Variants in LRRC23 observed in about 807,000 individuals in gnomAD.
LRRC23 encodes leucine-rich repeat-containing protein 23.
LRRC23 carries 28 observed loss-of-function variants against 37.7 expected under a neutral mutation model. The ratio of observed to expected loss-of-function variants is 0.74; its 90% confidence interval spans 0.55 to 1.02. The LOEUF (loss-of-function observed/expected upper bound fraction) is 1.02, where lower values mean the gene tolerates loss of function less well. Among genes scored for constraint, LRRC23 ranks in the 50% least tolerant of loss-of-function variants. LRRC23 has a pLI of 0.00. For missense variants in LRRC23, 377 were observed against 413.2 expected, an observed-to-expected ratio of 0.91 and a Z score of 0.76; for synonymous variants, 161 against 165.4, an observed-to-expected ratio of 0.97 and a Z score of 0.20.
Position 6,913,551 on chromosome 12 carries a change from GTTTGTTTTTTTTTTTTT to G in LRRC23, c.*25-336_*25-320del, listed in dbSNP as rs1290753899. ...TAGGGGAGAGGCTTTATTTACCTCT[GTTTGTTTTTTTTTTTTT>G]TTTTTTTTTTTTTTTGCGAGGTAGT... On this transcript the variant is annotated intron_variant, in intron 7 of 7. Coordinates refer to ENST00000443597, the MANE Select transcript of LRRC23 (RefSeq NM_001135217.2). Among the ~76,000 whole-genome samples, 123 of 78,174 alleles carry G rather than the reference GTTTGTTTTTTTTTTTTT, an allele frequency of 1.6e-3. 2 individuals are homozygous for G. The highest frequency in any genetic ancestry group is 2.4e-3 in the Non-Finnish European group (100 of 41,500). 51.3% of individuals were successfully genotyped at this position (78,174 alleles called of 152,430 possible). A position where few individuals can be genotyped will look rare whatever the true frequency, so the allele number is the denominator to read the frequency against.
intron 5 of LRRC23, among the ~76,000 whole-genome samples, chr12:6,908,644 C>T (rs1270840875): frequency 7.5e-6 from 1 of 133,852 alleles, no homozygotes; most frequent in African/African-American, 3.1e-5. Flanking sequence ...CGGTGAAACC[C>T]CGTCTCTACT....
chr12:6,913,815 C>A, intron 7 of LRRC23, 76 bp from the exon 8 acceptor site: 5 of 1,130,972 alleles, frequency 4.4e-6, no homozygotes, highest in Non-Finnish European at 6.2e-6. Context: ...TGCCCGCCTC[C>A]GCCTTCCAAA....
chr12:6,907,557 GTAT>G (rs1944980038), intron 5 of LRRC23, 112 bp downstream of exon 5: 1 of 1,119,138 alleles, frequency 8.9e-7, no homozygotes, highest in Admixed American at 1.9e-5. Flanking sequence ...ATAATAACTG[GTAT>G]TATTATCAAG....
chr12:6,908,394 C>T (rs551766616), intron 5 of LRRC23, among the ~76,000 whole-genome samples: 8 of 151,690 alleles, frequency 5.3e-5, no homozygotes, highest in Non-Finnish European at 1.0e-4. Flanking sequence ...GTCCGGAGTT[C>T]GAAACCAGCC....
At position 6,913,018 on chromosome 12, in the gene LRRC23, T is replaced by C. The variant is rs782359569; in HGVS notation, c.*15T>C. On this transcript the variant is annotated 3_prime_UTR_variant, in exon 7 of 8. Coordinates refer to ENST00000443597, the MANE Select transcript of LRRC23 (RefSeq NM_001135217.2). The stretch of plus-strand genomic sequence containing the variant: ...CATTGATCTAGCAGCAGTTCTAGCC[T>C]CTAAAGATAGTAAGGAAGCCTGCAG... 5 of 1,611,836 alleles carry C rather than the reference T, an allele frequency of 3.1e-6. No homozygotes were observed. The highest frequency in any genetic ancestry group is 4.2e-6 in the Non-Finnish European group (5 of 1,178,638).
chr12:6,909,493 A>ATATT (rs1945104710), intron 5 of LRRC23, among the ~76,000 whole-genome samples: 1 of 101,746 alleles, frequency 9.8e-6, no homozygotes, highest in African/African-American at 4.4e-5. Context: ...TATATAATAT[A>ATATT]TTATATATTA....
At chr12:6,909,129 ATATAATT>A (rs1555140219) in intron 5 of LRRC23, among the ~76,000 whole-genome samples, 1 of 28,824 alleles carries the variant, frequency 3.5e-5, no homozygotes, top group Non-Finnish European at 4.5e-5. Flanking sequence ...AATATATAAT[ATATAATT>A]ATATATTATA....
chr12:6,913,005 A>T lies in LRRC23; in HGVS notation c.*2A>T. 6.2e-7 allele frequency: 1 copy of T among 1,614,020 alleles called. No homozygotes were observed. Among genetic ancestry groups the T allele is most frequent in the Non-Finnish European group, 8.5e-7 (1 of 1,179,986 alleles). On this transcript the variant is annotated 3_prime_UTR_variant, in exon 7 of 8. Transcript: ENST00000443597. ...GAACCCGAACAGTCATTGATCTAGC[A>T]GCAGTTCTAGCCTCTAAAGATAGTA...
chr12:6,908,610 A>AAAAAAAAAAC, intron 5 of LRRC23, among the ~76,000 whole-genome samples: 1 of 121,130 alleles, frequency 8.3e-6, no homozygotes, highest in African/African-American at 3.7e-5. Context: ...AAAAAAAAAA[A>AAAAAAAAAAC]AAAAAAAAAA....
chr12:6,909,733 T>G (rs1555140460), intron 5 of LRRC23, among the ~76,000 whole-genome samples, 157 bp from the exon 6 acceptor site: 2 of 150,934 alleles, frequency 1.3e-5, no homozygotes, highest in African/African-American at 4.9e-5. Flanking sequence ...CTGAACTTCT[T>G]TACTTTCTAT....
chr12:6,914,189 G>A lies in LRRC23; in HGVS notation c.*323G>A, dbSNP rs781990729. 964 of 904,858 alleles carry A rather than the reference G, an allele frequency of 1.1e-3. 2 individuals carry two copies. The Middle Eastern group carries it at 0.023, about 21-fold the overall frequency. The allele number at this position is 904,858 out of a possible 1,614,324, so 56.1% of individuals were successfully genotyped here. A position where few individuals can be genotyped will look rare whatever the true frequency, so the allele number is the denominator to read the frequency against. ...AGTGGTTGGAGAGACTTGCGAAGGC[G>A]GCTGGGGTGTTCGGATTTCCAATAA... On this transcript the variant is annotated 3_prime_UTR_variant, in exon 8 of 8. Coordinates refer to ENST00000443597, the MANE Select transcript of LRRC23 (RefSeq NM_001135217.2). This position sits in a 1 kb window ranked among gnomAD's most constrained non-coding sequence, Gnocchi z 7.1.
In LRRC23 at chr12:6,914,103, GC is replaced by G. The variant is rs1355805013; in HGVS notation, c.*239del. On this transcript the variant is annotated 3_prime_UTR_variant, in exon 8 of 8. Coordinates refer to ENST00000443597, the MANE Select transcript of LRRC23 (RefSeq NM_001135217.2). This position sits in a 1 kb window ranked among gnomAD's most constrained non-coding sequence, Gnocchi z 7.1. ...GCGTTGCCTGGAGCCTAGGCCGGGG[GC>G]CGCCCTCGGGCAGGCGTGGGTGAGA... 4 of 1,514,838 alleles carry G rather than the reference GC, an allele frequency of 2.6e-6. No homozygotes were observed. The East Asian group carries it at 9.4e-5, about 36-fold the overall frequency. The allele number at this position is 1,514,838 out of a possible 1,614,324, so 93.8% of individuals were successfully genotyped here.
intron 5 of LRRC23, 138 bp downstream of exon 5, chr12:6,907,583 T>G: frequency 1.1e-6 from 1 of 918,256 alleles, no homozygotes; most frequent in Admixed American, 2.0e-5. Context: ...CATAGTTGGT[T>G]CCAGATGCTG....
chr12:6,907,383 C>T lies in LRRC23; in HGVS notation c.559C>T (p.Arg187Trp), dbSNP rs782748706. 24 of 1,613,810 alleles carry T rather than the reference C, an allele frequency of 1.5e-5. No individual in the cohort carries two copies. Among genetic ancestry groups the T allele is most frequent in the South Asian group, 5.5e-5 (5 of 91,048 alleles). ...KLISLHTVEL[R>W]GNQLESTLGI... ...GATCAGCCTGCACACAGTGGAGCTT[C>T]GGGGGAACCAGCTGGAAAGCACCCT... The change falls in exon 5 of 8, where the codon CGG (arginine) becomes TGG (tryptophan). Residue 187 changes from arginine (R) to tryptophan (W), a missense_variant. Arg to Trp is a moderately radical substitution (Grantham distance 101). Coordinates refer to ENST00000443597, the MANE Select transcript of LRRC23 (RefSeq NM_001135217.2).
At chr12:6,911,514 G>A (rs1945159678) in intron 6 of LRRC23, among the ~76,000 whole-genome samples, 2 of 124,748 alleles carry the variant, frequency 1.6e-5, no homozygotes, top group Admixed American at 7.5e-5. Context: ...GTGTGTGTGT[G>A]GAGGGGGGTG....
chr12:6,909,157 T>A (rs1332616628), intron 5 of LRRC23, among the ~76,000 whole-genome samples: 3 of 3,516 alleles, frequency 8.5e-4, no homozygotes, highest in African/African-American at 4.3e-3. Context: ...TATTATATAT[T>A]ATATATAAAA....
Position 6,913,967 on chromosome 12 carries a change from A to G in LRRC23, c.*101A>G. 1.2e-6 allele frequency: 2 copies of G among 1,613,918 alleles called. No homozygotes were observed. Among genetic ancestry groups the G allele is most frequent in the South Asian group, 1.1e-5 (1 of 91,074 alleles). On this transcript the variant is annotated 3_prime_UTR_variant, in exon 8 of 8. Transcript: ENST00000443597. ...CCACATGTATGACAGAGAACAGAGGATGCCTGTTTTTGCCCCAAAGCTGGA... is the reference window on the plus strand; with the variant it reads ...CCACATGTATGACAGAGAACAGAGGGTGCCTGTTTTTGCCCCAAAGCTGGA...
At chr12:6,911,310 A>G (rs890525396) in intron 6 of LRRC23, among the ~76,000 whole-genome samples, 22 of 152,160 alleles carry the variant, frequency 1.4e-4, no homozygotes, top group Admixed American at 1.4e-3. Context: ...GAGCATCTCC[A>G]AGTAGGGAGA....
At position 6,912,781 on chromosome 12, in the gene LRRC23, C is replaced by A; in HGVS notation, c.810C>A (p.Pro270=). The A allele has an allele frequency of 6.2e-7, 1 of 1,614,160 alleles. No individual in the cohort carries two copies. The highest frequency in any genetic ancestry group is 1.6e-4 in the Middle Eastern group (1 of 6,062). The change falls in exon 7 of 8, where the codon CCC becomes CCA. Residue 270 remains proline, a synonymous_variant. Transcript: ENST00000443597. ...LGELAKLRDL[P]KLRALVLLDN... is the part of the protein sequence containing the mutation. ...AGCTGGCCAAGCTTCGAGACCTGCC[C>A]AAGCTGCGAGCGTTGGTGCTGCTTG...
Sources: gnomAD v4.1 joint callset for allele counts (sites outside exome capture counted in the v4.1 genomes callset) on GRCh38, gnomAD v4.1.1 for gene constraint, Gnocchi (gnomAD v3.1) non-coding constraint, MANE v1.5 for transcripts, NCBI Gene and HGNC (gene_info 2026-07-23, HGNC 2026-07-21) for gene names.